The following MDH1 variants were observed in gnomAD, a reference collection of about 807,000 sequenced individuals.
The protein encoded by MDH1 is malate dehydrogenase 1.
MDH1 carries 15 observed loss-of-function variants against 38.7 expected under a neutral mutation model. The ratio of observed to expected loss-of-function variants is 0.39; its 90% CI spans 0.26 to 0.60. The LOEUF (loss-of-function observed/expected upper bound fraction) is 0.60. Among genes scored for constraint, MDH1 ranks in the 20% least tolerant of loss-of-function variants. MDH1 has a pLI of 0.56. For missense variants in MDH1, 368 were observed against 405.2 expected, an observed-to-expected ratio of 0.91 and a Z score of 0.79; for synonymous variants, 144 against 143.6, an observed-to-expected ratio of 1.00 and a Z score of -0.02.
At chr2:63,591,426 C>T (rs1373095000) in intron 1 of MDH1, among the ~76,000 whole-genome samples, 1 of 152,176 alleles carries the variant, frequency 6.6e-6, no homozygotes, top group Non-Finnish European at 1.5e-5. Flanking sequence ...CAGAAGAAAA[C>T]TGCTGAGGTG....
chr2:63,598,946 TG>T (rs1444662142), intron 4 of MDH1, among the ~76,000 whole-genome samples: 1 of 152,046 alleles, frequency 6.6e-6, no homozygotes, highest in African/African-American at 2.4e-5. Context: ...GTAATATGGT[TG>T]TAACTTTTCT....
chr2:63,601,379 A>G (rs903049550), intron 5 of MDH1, among the ~76,000 whole-genome samples: 1 of 152,182 alleles, frequency 6.6e-6, no homozygotes, highest in African/African-American at 2.4e-5. Flanking sequence ...GTATTTGCAA[A>G]CCAGTGCTGT....
At chr2:63,596,046 A>G (rs1017149701) in intron 3 of MDH1, among the ~76,000 whole-genome samples, 1 of 152,236 alleles carries the variant, frequency 6.6e-6, no homozygotes, top group Non-Finnish European at 1.5e-5. Flanking sequence ...CATATGCTCT[A>G]TAGTTTGAAA....
chr2:63,595,589 G>A (rs1421960324), intron 3 of MDH1, 70 bp downstream of exon 3: 7 of 925,564 alleles, frequency 7.6e-6, no homozygotes, highest in Non-Finnish European at 1.2e-5. Context: ...TTAGGTTTTT[G>A]TTAAAGGCTC....
Position 63,605,941 on chromosome 2 carries a change from A to C in MDH1, c.792A>C (p.Gly264=). The C allele has an allele frequency of 6.2e-7, 1 of 1,612,890 alleles. No individual in the cohort carries two copies. Among genetic ancestry groups the C allele is most frequent in the Non-Finnish European group, 8.5e-7 (1 of 1,178,856 alleles). Residue 264 remains glycine, a splice_region_variant and synonymous_variant, in exon 8 of 9, where the codon GGA becomes GGC. Transcript: ENST00000233114. The part of the protein sequence containing the change: ...VRDIWFGTPE[G]EFVSMGVISD... ...ATGTGAAACATTGTTATTTTCAGGGAGAGTTTGTGTCCATGGGTGTTATCT... is the reference window on the plus strand; with the variant it reads ...ATGTGAAACATTGTTATTTTCAGGGCGAGTTTGTGTCCATGGGTGTTATCT...
Position 63,606,770 on chromosome 2 carries a change from G to A in MDH1, c.880-92G>A, listed in dbSNP as rs553886403. 1.1e-4 allele frequency: 94 copies of A among 852,884 alleles called. No homozygotes were observed. In the African/African-American group the frequency reaches 1.3e-3, roughly 12 times the overall value. The allele number at this position is 852,884 out of a possible 1,614,324, so 52.8% of individuals were successfully genotyped here. On this transcript the variant is annotated intron_variant, in intron 8 of 8. Transcript: ENST00000233114. ...TTACTTTAGAATCAGACTTTAAAAC[G>A]ATATACCTCTAAATATAAGTTCAAA... is the stretch of plus-strand genomic sequence containing the variant.
chr2:63,606,638 T>C (rs913734226), intron 8 of MDH1, among the ~76,000 whole-genome samples: 1 of 152,124 alleles, frequency 6.6e-6, no homozygotes, highest in Admixed American at 6.5e-5. Flanking sequence ...ATAACTGTGC[T>C]AAAGTCAGTC....
chr2:63,605,300 T>C lies in MDH1; in HGVS notation c.696T>C (p.Ala232=), dbSNP rs779197641. The C allele has an allele frequency of 6.2e-7, 1 of 1,613,884 alleles. No individual in the cohort carries two copies. Among genetic ancestry groups the C allele is most frequent in the South Asian group, 1.1e-5 (1 of 91,074 alleles). The change falls in exon 7 of 9, where the codon GCT becomes GCC. Residue 232 remains alanine, a synonymous_variant. Transcript: ENST00000233114. The part of the protein sequence containing the change: ...EFVTTVQQRG[A]AVIKARKLSS... ...CCCAGACTGTGCAGCAGCGTGGCGC[T>C]GCTGTCATCAAGGCTCGAAAACTAT...
intron 1 of MDH1, 58 bp from the exon 2 acceptor site, chr2:63,594,430 T>C (rs945636285): frequency 1.7e-5 from 21 of 1,230,178 alleles, no homozygotes; most frequent in Non-Finnish European, 2.5e-5. Context: ...ATTAAAATCC[T>C]GGATATTTTT....
Position 63,606,845 on chromosome 2 carries a change from G to A in MDH1, c.880-17G>A, listed in dbSNP as rs2106631402. The A allele has an allele frequency of 6.3e-7, 1 of 1,587,258 alleles. No homozygotes were observed. Among genetic ancestry groups the A allele is most frequent in the Non-Finnish European group, 8.6e-7 (1 of 1,167,096 alleles). On this transcript the variant is annotated splice_polypyrimidine_tract_variant and intron_variant, in intron 8 of 8. Coordinates refer to ENST00000233114, the MANE Select transcript of MDH1 (RefSeq NM_005917.4). ...CAGTTCCAGTTTAAATCTCTTATTT[G>A]CATTATTTTCAAACAGAATAAGACC...
chr2:63,603,407 C>T (rs560963978), intron 5 of MDH1, among the ~76,000 whole-genome samples: 2 of 152,294 alleles, frequency 1.3e-5, no homozygotes, highest in East Asian at 3.9e-4. Flanking sequence ...AAGCTACAGA[C>T]TCTGGCACAA....
In MDH1 at chr2:63,605,174, A is replaced by C; in HGVS notation, c.676-106A>C. 4.0e-6 allele frequency: 3 copies of C among 749,666 alleles called. No homozygotes were observed. The South Asian group carries it at 5.4e-5, about 13-fold the overall frequency. The allele number at this position is 749,666 out of a possible 1,614,324, so 46.4% of individuals were successfully genotyped here. A position where few individuals can be genotyped will look rare whatever the true frequency, so the allele number is the denominator to read the frequency against. On this transcript the variant is annotated intron_variant, in intron 6 of 8. Transcript: ENST00000233114. The stretch of plus-strand genomic sequence containing the variant: ...TGTTGCATGATTTTGGAGGGGAAAC[A>C]TTAAGCTCTGGTCATAGCTTTTCAC...
intron 5 of MDH1, among the ~76,000 whole-genome samples, chr2:63,602,580 G>C (rs1039538167): frequency 1.3e-5 from 2 of 151,876 alleles, no homozygotes; most frequent in African/African-American, 2.4e-5. Context: ...CTTTATGAAT[G>C]ATTCTATGAC....
intron 1 of MDH1, chr2:63,594,250 G>C (rs1033792106): frequency 3.3e-6 from 2 of 601,888 alleles, no homozygotes; most frequent in Non-Finnish European, 6.4e-6. Flanking sequence ...CCCAAAAAAG[G>C]TGGATAAGAT....
chr2:63,592,070 T>G (rs985675356), intron 1 of MDH1, among the ~76,000 whole-genome samples: 1 of 152,188 alleles, frequency 6.6e-6, no homozygotes, highest in Non-Finnish European at 1.5e-5. Flanking sequence ...TCTAGCCCCC[T>G]GTTTTAGAAA....
At chr2:63,594,658 G>C (rs959171823) in intron 2 of MDH1, 72 bp downstream of exon 2, 9 of 1,087,466 alleles carry the variant, frequency 8.3e-6, no homozygotes, top group Non-Finnish European at 1.2e-5. Context: ...GTATTTAGTT[G>C]TACACAAATT....
At chr2:63,605,745 G>C (rs1709514692) in intron 7 of MDH1, 194 bp from the exon 8 acceptor site, 1 of 610,168 alleles carries the variant, frequency 1.6e-6, no homozygotes, top group East Asian at 2.8e-5. Flanking sequence ...CTTCACATAT[G>C]ATATGGAAGC....
At position 63,607,147 on chromosome 2, in the gene MDH1, T is replaced by G. The variant is rs966395340; in HGVS notation, c.*160T>G. 4.3e-5 allele frequency: 24 copies of G among 562,290 alleles called. No individual in the cohort carries two copies. The highest frequency in any genetic ancestry group is 7.0e-5 in the Non-Finnish European group (24 of 340,698). 34.8% of individuals were successfully genotyped at this position (562,290 alleles called of 1,614,324 possible). A position where few individuals can be genotyped will look rare whatever the true frequency, so the allele number is the denominator to read the frequency against. On this transcript the variant is annotated 3_prime_UTR_variant, in exon 9 of 9. Transcript: ENST00000233114. ...TGGTACAGGTTTGTGAATGACAGTT[T>G]ATCGTCATGCTGTTAGTGTGCATTC...
intron 5 of MDH1, among the ~76,000 whole-genome samples, chr2:63,603,208 G>T (rs371249432): frequency 5.2e-4 from 79 of 152,030 alleles, no homozygotes; most frequent in African/African-American, 1.9e-3. Context: ...CTCCCACCTC[G>T]GCCTCCCAAA....
Sources: gnomAD v4.1 joint callset for allele counts (sites outside exome capture counted in the v4.1 genomes callset) on GRCh38, gnomAD v4.1.1 for gene constraint, MANE v1.5 for transcripts, NCBI Gene and HGNC (gene_info 2026-07-23, HGNC 2026-07-21) for gene names.